Variants in CCDC158 observed in about 807,000 individuals in gnomAD.
CCDC158 encodes the protein coiled-coil domain containing 158.
In CCDC158, 116 loss-of-function variants were observed where a neutral mutation model predicts 138.6. The observed-to-expected ratio is 0.84, with a 90% CI of 0.72 to 0.98. CCDC158 has a LOEUF of 0.98. CCDC158 is among the 50% of genes least tolerant of loss of function. CCDC158 has a pLI of 0.00. For synonymous variants in CCDC158, 436 were observed against 442.4 expected, an observed-to-expected ratio of 0.99 and a Z score of 0.18; for missense variants, 1,265 against 1,306.1, an observed-to-expected ratio of 0.97 and a Z score of 0.48.
intron 1 of CCDC158, among the ~76,000 whole-genome samples, chr4:76,415,318 GCC>G (rs1466193933): frequency 1.3e-5 from 2 of 152,078 alleles, no homozygotes; most frequent in African/African-American, 4.8e-5. Flanking sequence ...TACTGTTAAA[GCC>G]ATTCAGTTTT....
chr4:76,332,020 T>G (rs1721056039), intron 20 of CCDC158, among the ~76,000 whole-genome samples: 1 of 152,210 alleles, frequency 6.6e-6, no homozygotes, highest in Non-Finnish European at 1.5e-5. Flanking sequence ...ATTCAGCTAT[T>G]CAATTATTGA....
In CCDC158 at chr4:76,328,369, C is replaced by T. The variant is rs530963115; in HGVS notation, c.3010+531G>A. Among the ~76,000 whole-genome samples the T allele has an allele frequency of 1.6e-4, 24 of 152,328 alleles. 1 individual carries two copies. In the South Asian group the frequency reaches 5.0e-3, roughly 32 times the overall value. On this transcript the variant is annotated intron_variant, in intron 22 of 24. Transcript: ENST00000682701. ...CAGCTCTTGTCTCACAGGGGTGACA[C>T]AGTATGTGAGAAGATGCTAAGAGTA...
At chr4:76,400,108 T>C (rs201696703) in intron 3 of CCDC158, among the ~76,000 whole-genome samples, 1 of 152,220 alleles carries the variant, frequency 6.6e-6, no homozygotes, top group East Asian at 1.9e-4. Context: ...GATTTTCGTA[T>C]GTTTATTGCG....
chr4:76,336,798 G>A (rs1721555741), intron 18 of CCDC158, among the ~76,000 whole-genome samples: 1 of 152,140 alleles, frequency 6.6e-6, no homozygotes, highest in Admixed American at 6.5e-5. Context: ...GCAGAGAACT[G>A]TCCCCCTTGC....
chr4:76,366,638 A>ACACACACACACACACACACAC (rs34680628), intron 12 of CCDC158, among the ~76,000 whole-genome samples: 9 of 147,974 alleles, frequency 6.1e-5, no homozygotes, highest in East Asian at 2.0e-4. Flanking sequence ...CACACACACA[A>ACACACACACACACACACACAC]ACACACACAC....
In CCDC158 at chr4:76,352,958, C is replaced by T. The variant is rs111683423; in HGVS notation, c.2445+165G>A. Reference sequence around the variant, plus strand: ...ATGACCACATTTTAAAATTCAGAAACGCCTTCTCTAATAGGATAGGGTTTT... The same window carrying T: ...ATGACCACATTTTAAAATTCAGAAATGCCTTCTCTAATAGGATAGGGTTTT... On this transcript the variant is annotated intron_variant, in intron 16 of 24. Coordinates refer to ENST00000682701, the MANE Select transcript of CCDC158 (RefSeq NM_001394954.1). 2,585 of 535,692 alleles carry T rather than the reference C, an allele frequency of 4.8e-3. 14 individuals carry two copies. The highest frequency in any genetic ancestry group is 6.4e-3 in the Non-Finnish European group (2,121 of 330,390). 33.2% of individuals were successfully genotyped at this position (535,692 alleles called of 1,614,324 possible).
intron 18 of CCDC158, among the ~76,000 whole-genome samples, chr4:76,350,542 A>G (rs1188818199): frequency 6.6e-6 from 1 of 152,204 alleles, no homozygotes; most frequent in African/African-American, 2.4e-5. Context: ...AAAATATAAA[A>G]GATTAAACTA....
intron 15 of CCDC158, among the ~76,000 whole-genome samples, 178 bp from the exon 16 acceptor site, chr4:76,353,459 TCTC>T (rs1264304735): frequency 6.6e-6 from 1 of 152,208 alleles, no homozygotes; most frequent in Non-Finnish European, 1.5e-5. Context: ...TTATGTACTC[TCTC>T]CTATTTTAAT....
chr4:76,324,412 C>G (rs1276716871), intron 23 of CCDC158, among the ~76,000 whole-genome samples: 1 of 152,040 alleles, frequency 6.6e-6, no homozygotes, highest in East Asian at 1.9e-4. Flanking sequence ...GTCTTGAACT[C>G]CTGACCTCAG....
intron 2 of CCDC158, among the ~76,000 whole-genome samples, chr4:76,407,861 T>C (rs1384234505): frequency 6.6e-6 from 1 of 152,166 alleles, no homozygotes. Context: ...TATTCTGATG[T>C]GGAAACCACA....
At chr4:76,390,333 T>C (rs1191115615) in intron 4 of CCDC158, among the ~76,000 whole-genome samples, 1 of 152,058 alleles carries the variant, frequency 6.6e-6, no homozygotes, top group Non-Finnish European at 1.5e-5. Flanking sequence ...AAGAGAGTAT[T>C]GCAAGCCTCA....
At chr4:76,394,029 T>A (rs758531458) in intron 4 of CCDC158, among the ~76,000 whole-genome samples, 18 of 152,032 alleles carry the variant, frequency 1.2e-4, no homozygotes, top group Non-Finnish European at 2.4e-4. Flanking sequence ...ACACTATTGG[T>A]GGGAATGTGA....
chr4:76,415,751 C>G (rs1729637616), intron 1 of CCDC158, among the ~76,000 whole-genome samples: 1 of 152,200 alleles, frequency 6.6e-6, no homozygotes, highest in African/African-American at 2.4e-5. Flanking sequence ...TATGCCCGGA[C>G]AGGGCCACCA....
Position 76,314,228 on chromosome 4 carries a change from T to C in CCDC158, c.3278-982A>G, listed in dbSNP as rs114624872. 8.5e-3 allele frequency among the ~76,000 whole-genome samples: 1,290 copies of C among 152,340 alleles called. 18 individuals are homozygous for C. The highest frequency in any genetic ancestry group is 0.03 in the African/African-American group (1,231 of 41,580). ...CAAAAAGGTCTTTTTATTTTGTAAA[T>C]ATCTTCCATGTGGATTATTATTTGG... is the stretch of plus-strand genomic sequence containing the variant. On this transcript the variant is annotated intron_variant, in intron 24 of 24. Transcript: ENST00000682701.
chr4:76,345,411 T>G, intron 18 of CCDC158: 3 of 944,154 alleles, frequency 3.2e-6, no homozygotes, highest in Non-Finnish European at 5.3e-6. Flanking sequence ...CCAGCAGGAG[T>G]GCTGCCTGAA....
intron 11 of CCDC158, 120 bp from the exon 12 acceptor site, chr4:76,367,896 T>TAA: frequency 1.1e-5 from 1 of 92,416 alleles, no homozygotes; most frequent in Non-Finnish European, 1.4e-5. Context: ...AGTAAGATCT[T>TAA]TTTTTTTTTT....
At chr4:76,400,466 A>G (rs1025744005) in intron 3 of CCDC158, among the ~76,000 whole-genome samples, 15 of 151,674 alleles carry the variant, frequency 9.9e-5, no homozygotes, top group Non-Finnish European at 2.2e-4. Flanking sequence ...TGACGAGTTA[A>G]TGGGTGCAGC....
intron 18 of CCDC158, among the ~76,000 whole-genome samples, chr4:76,335,891 C>T (rs1721437580): frequency 6.7e-6 from 1 of 149,570 alleles, no homozygotes; most frequent in Admixed American, 6.7e-5. Context: ...TTTGAAAAAG[C>T]ATTCAATTGG....
intron 18 of CCDC158, among the ~76,000 whole-genome samples, chr4:76,339,784 C>A (rs1317154045): frequency 1.3e-5 from 2 of 152,176 alleles, no homozygotes; most frequent in Non-Finnish European, 2.9e-5. Context: ...GAGATGCTGG[C>A]TAGCTGAAAA....
Sources: gnomAD v4.1 joint callset for allele counts (sites outside exome capture counted in the v4.1 genomes callset) on GRCh38, gnomAD v4.1.1 for gene constraint, MANE v1.5 for transcripts, NCBI Gene and HGNC (gene_info 2026-07-23, HGNC 2026-07-21) for gene names.